Variants in TIAM1 observed in about 807,000 individuals in gnomAD.
The protein encoded by TIAM1 is rho guanine nucleotide exchange factor TIAM1.
Under a neutral mutation model 163.5 loss-of-function variants are expected in TIAM1, and 65 were observed. That is an observed-to-expected ratio of 0.40 (90% CI 0.33 to 0.49). The LOEUF is 0.49. TIAM1 is among the 20% of genes least tolerant of loss of function. The pLI, the probability that TIAM1 is intolerant of heterozygous loss-of-function variation, is 0.77. For synonymous variants in TIAM1, 833 were observed against 810.1 expected (o/e 1.03, Z -0.48); for missense variants, 1,789 against 2,044.7 (o/e 0.87, Z 2.41).
At chr21:31,144,599 G>A (rs924542818) in intron 20 of TIAM1, among the ~76,000 whole-genome samples, 12 of 152,050 alleles carry the variant, frequency 7.9e-5, no homozygotes, top group Non-Finnish European at 1.3e-4. Flanking sequence ...AAGCCAAGGC[G>A]GGCAGATCAC....
intron 2 of TIAM1, among the ~76,000 whole-genome samples, chr21:31,380,070 A>G (rs2076751755): frequency 6.6e-6 from 1 of 152,070 alleles, no homozygotes; most frequent in Non-Finnish European, 1.5e-5. Context: ...CAAGATCAGC[A>G]TGACCAACAT....
At chr21:31,414,099 A>G (rs1250346428) in intron 2 of TIAM1, among the ~76,000 whole-genome samples, 2 of 152,194 alleles carry the variant, frequency 1.3e-5, no homozygotes, top group African/African-American at 4.8e-5. Context: ...TCAGGAGCCC[A>G]TGGATTTTGC....
intron 1 of TIAM1, among the ~76,000 whole-genome samples, chr21:31,484,494 C>T (rs1299212424): frequency 2.6e-5 from 4 of 152,226 alleles, no homozygotes; most frequent in Non-Finnish European, 4.4e-5. Flanking sequence ...ACTTAAACAG[C>T]AGCTCTTAAC....
intron 1 of TIAM1, among the ~76,000 whole-genome samples, chr21:31,466,262 G>A (rs1332460805): frequency 6.6e-6 from 1 of 152,200 alleles, no homozygotes; most frequent in Non-Finnish European, 1.5e-5. Context: ...AGGCGTCTGT[G>A]GAGGGGAAAT....
chr21:31,244,990 G>A (rs1007228305), intron 6 of TIAM1, among the ~76,000 whole-genome samples: 2 of 152,112 alleles, frequency 1.3e-5, no homozygotes, highest in African/African-American at 4.8e-5. Context: ...ATTCAAGGAT[G>A]CTGAGTAGAA....
chr21:31,203,388 G>A (rs2086300356), intron 11 of TIAM1, among the ~76,000 whole-genome samples: 2 of 152,356 alleles, frequency 1.3e-5, no homozygotes, highest in South Asian at 4.1e-4. Flanking sequence ...CTCCCAAAGT[G>A]CTGGGATTAC....
chr21:31,445,195 T>C (rs188243004), intron 2 of TIAM1, among the ~76,000 whole-genome samples: 478 of 152,208 alleles, frequency 3.1e-3, no homozygotes, highest in Non-Finnish European at 4.8e-3. Context: ...GATGAGTGAA[T>C]CTTGACTTTG....
chr21:31,180,208 C>CTT (rs1316874111), intron 15 of TIAM1, among the ~76,000 whole-genome samples: 3 of 151,968 alleles, frequency 2.0e-5, no homozygotes, highest in African/African-American at 7.3e-5. Flanking sequence ...GCCCGGTAGA[C>CTT]TTTTTTTAAA....
At chr21:31,213,296 ATT>A in intron 10 of TIAM1, 100 bp downstream of exon 10, 1 of 986,736 alleles carries the variant, frequency 1.0e-6, no homozygotes, top group African/African-American at 1.7e-5. Flanking sequence ...AGTTTTTAAT[ATT>A]GAGTTTACTT....
At chr21:31,233,242 G>A (rs2088538654) in intron 6 of TIAM1, among the ~76,000 whole-genome samples, 1 of 151,978 alleles carries the variant, frequency 6.6e-6, no homozygotes, top group African/African-American at 2.4e-5. Flanking sequence ...TGTAAAGTAG[G>A]TCAAACGCTT....
chr21:31,406,082 C>CCTG (rs2077242458), intron 2 of TIAM1, among the ~76,000 whole-genome samples: 2 of 151,938 alleles, frequency 1.3e-5, no homozygotes, highest in African/African-American at 4.8e-5. Flanking sequence ...ACGTGCAAGC[C>CCTG]CTGCTGGTGA....
rs34635731 is a variant in TIAM1 at position 31,119,100 on chromosome 21, CTT to C, written c.*1266_*1267del. On this transcript the variant is annotated 3_prime_UTR_variant, in exon 28 of 28. Transcript: ENST00000541036. ...CATGGGAAAAGAAAAAGCTATAAAC[CTT>C]TTTTTAAAAAAAAAAAAAAAATTGA... 1 of 138,630 alleles carries C rather than the reference CTT, an allele frequency of 7.2e-6. No individual in the cohort carries two copies. Among genetic ancestry groups the C allele is most frequent in the African/African-American group, 3.2e-5 (1 of 31,068 alleles). 8.6% of individuals were successfully genotyped at this position (138,630 alleles called of 1,614,324 possible). A position where few individuals can be genotyped will look rare whatever the true frequency, so the allele number is the denominator to read the frequency against.
intron 1 of TIAM1, among the ~76,000 whole-genome samples, chr21:31,475,855 C>T (rs1476684220): frequency 6.6e-6 from 1 of 152,216 alleles, no homozygotes; most frequent in African/African-American, 2.4e-5. Flanking sequence ...TTGACAACTA[C>T]TTCATGAGGT....
At chr21:31,358,078 G>A (rs142688324) in intron 2 of TIAM1, among the ~76,000 whole-genome samples, 1,626 of 152,248 alleles carry the variant, frequency 0.011, 17 homozygotes, top group Middle Eastern at 0.02. Context: ...GTCCAGCTAC[G>A]GGGGCTGTGG....
intron 2 of TIAM1, among the ~76,000 whole-genome samples, chr21:31,360,703 T>C (rs2147134527): frequency 6.6e-6 from 1 of 152,264 alleles, no homozygotes; most frequent in Middle Eastern, 3.4e-3. Flanking sequence ...ACTGTACAAA[T>C]CAATAAGAAA....
chr21:31,478,621 CT>C (rs543430291), intron 1 of TIAM1, among the ~76,000 whole-genome samples: 1 of 152,074 alleles, frequency 6.6e-6, no homozygotes, highest in Non-Finnish European at 1.5e-5. Context: ...TTTTGTTTTT[CT>C]TTTTTTGTCT....
chr21:31,201,485 A>G (rs1378223219), intron 12 of TIAM1, among the ~76,000 whole-genome samples: 6 of 152,350 alleles, frequency 3.9e-5, no homozygotes, highest in Non-Finnish European at 8.8e-5. Flanking sequence ...AACTTTTCAG[A>G]TAACAGAAAT....
chr21:31,408,641 T>A (rs1253522031), intron 2 of TIAM1, among the ~76,000 whole-genome samples: 1 of 152,194 alleles, frequency 6.6e-6, no homozygotes, highest in Non-Finnish European at 1.5e-5. Context: ...ATTCTGACAC[T>A]CTCATCAACG....
intron 25 of TIAM1, among the ~76,000 whole-genome samples, chr21:31,129,377 G>C (rs1299667386): frequency 1.3e-5 from 2 of 152,210 alleles, no homozygotes; most frequent in Admixed American, 1.3e-4. Context: ...GTGGATCACA[G>C]AAAAAGAATC....
Sources: gnomAD v4.1 joint callset for allele counts (sites outside exome capture counted in the v4.1 genomes callset) on GRCh38, gnomAD v4.1.1 for gene constraint, MANE v1.5 for transcripts, NCBI Gene and HGNC (gene_info 2026-07-23, HGNC 2026-07-21) for gene names.